Variants in DLGAP1 observed in about 807,000 individuals in gnomAD.
DLGAP1 encodes the protein DLG associated protein 1.
In DLGAP1, 11 loss-of-function variants were observed where a neutral mutation model predicts 90.8. The observed-to-expected ratio is 0.12, with a 90% CI of 0.08 to 0.20. The LOEUF (loss-of-function observed/expected upper bound fraction) is 0.20, where lower values mean the gene tolerates loss of function less well. Ranked by LOEUF, DLGAP1 falls within the 10% of genes least tolerant of loss-of-function variation. DLGAP1 has a pLI of 1.00. For missense variants in DLGAP1, 1,050 were observed against 1,333.8 expected (o/e 0.79, Z 3.31); for synonymous variants, 558 against 540.7 (o/e 1.03, Z -0.44).
chr18:3,629,666 T>C (rs1406046274), intron 7 of DLGAP1, among the ~76,000 whole-genome samples: 7 of 151,966 alleles, frequency 4.6e-5, no homozygotes, highest in Non-Finnish European at 7.4e-5. Flanking sequence ...AGTGAGACTC[T>C]GTCTCAAAAA....
At chr18:3,600,532 G>T (rs2056834271) in intron 7 of DLGAP1, among the ~76,000 whole-genome samples, 3 of 151,622 alleles carry the variant, frequency 2.0e-5, no homozygotes, top group Admixed American at 1.3e-4. Context: ...CACCGTGCCT[G>T]GCCAGAAACA....
chr18:3,739,905 A>G (rs1039613847), intron 6 of DLGAP1, among the ~76,000 whole-genome samples: 4 of 152,318 alleles, frequency 2.6e-5, no homozygotes, highest in East Asian at 3.9e-4. Flanking sequence ...TGGCTACGTC[A>G]TGGAATTGCA....
chr18:3,695,882 G>A (rs557444009), intron 7 of DLGAP1, among the ~76,000 whole-genome samples: 10 of 100,142 alleles, frequency 1.0e-4, no homozygotes, highest in Admixed American at 3.9e-4. Context: ...ACTTCCTTGA[G>A]CAGTGGTTTG....
intron 7 of DLGAP1, among the ~76,000 whole-genome samples, chr18:3,716,665 C>T (rs918250325): frequency 5.9e-5 from 9 of 151,940 alleles, no homozygotes; most frequent in Admixed American, 6.6e-5. Flanking sequence ...CATTCTAGTG[C>T]ATTTCCTTCT....
chr18:3,608,914 G>C (rs1443596625), intron 7 of DLGAP1, among the ~76,000 whole-genome samples: 5 of 152,154 alleles, frequency 3.3e-5, no homozygotes, highest in Admixed American at 3.3e-4. Flanking sequence ...TCAGCTCACT[G>C]CAACCTCCAC....
chr18:4,114,909 C>G (rs184267566), intron 2 of DLGAP1, among the ~76,000 whole-genome samples: 35 of 152,096 alleles, frequency 2.3e-4, no homozygotes, highest in Admixed American at 2.2e-3. Context: ...GTCTGATAGT[C>G]TCTGCCTTTT....
chr18:3,881,695 CGA>C (rs1342897561), intron 3 of DLGAP1, among the ~76,000 whole-genome samples: 4 of 152,142 alleles, frequency 2.6e-5, no homozygotes, highest in Non-Finnish European at 5.9e-5. Flanking sequence ...AGGTGGATCA[CGA>C]GGTCAGGAGA....
chr18:3,792,356 C>T (rs979180385), intron 5 of DLGAP1, among the ~76,000 whole-genome samples: 3 of 152,110 alleles, frequency 2.0e-5, no homozygotes, highest in Admixed American at 6.6e-5. Flanking sequence ...TGGTGCATGG[C>T]CTGTAATCCC....
At chr18:4,382,179 G>T (rs2082138276) in intron 1 of DLGAP1, among the ~76,000 whole-genome samples, 1 of 152,050 alleles carries the variant, frequency 6.6e-6, no homozygotes, top group African/African-American at 2.4e-5. Flanking sequence ...TTGTTCTTAT[G>T]TCACCCAGTA....
intron 1 of DLGAP1, among the ~76,000 whole-genome samples, chr18:4,414,780 C>T (rs2082855684): frequency 6.6e-6 from 1 of 151,702 alleles, no homozygotes; most frequent in African/African-American, 2.4e-5. Flanking sequence ...TACATTCTCT[C>T]TCAGCAAAGT....
chr18:3,612,002 C>T (rs2057657530), intron 7 of DLGAP1, among the ~76,000 whole-genome samples: 1 of 152,244 alleles, frequency 6.6e-6, no homozygotes, highest in Admixed American at 6.5e-5. Flanking sequence ...TATCCACTTA[C>T]ATTACTAAAG....
chr18:3,591,353 C>T (rs1047425844), intron 7 of DLGAP1, among the ~76,000 whole-genome samples: 1 of 152,016 alleles, frequency 6.6e-6, no homozygotes, highest in African/African-American at 2.4e-5. Flanking sequence ...GTTGTAATGT[C>T]AGGTAAGGTG....
rs140706242 is a variant in DLGAP1 at position 3,720,206 on chromosome 18, A to G, written c.1591+8929T>C. Among the ~76,000 whole-genome samples the G allele has an allele frequency of 4.4e-3, 673 of 152,350 alleles. 4 individuals carry two copies. The highest frequency in any genetic ancestry group is 0.015 in the African/African-American group (641 of 41,588). On this transcript the variant is annotated intron_variant, in intron 7 of 12. Coordinates refer to ENST00000315677, the MANE Select transcript of DLGAP1 (RefSeq NM_004746.4). ...TAACTTAGACTAGTTATCTTCTTCC[A>G]TAAGTTTAATTAGAAGTTATAGAAT...
chr18:3,752,127 G>C (rs541858129), intron 5 of DLGAP1, among the ~76,000 whole-genome samples: 1 of 151,934 alleles, frequency 6.6e-6, no homozygotes, highest in Non-Finnish European at 1.5e-5. Context: ...CAAGTAATCT[G>C]CCTGCCTTGG....
At chr18:3,550,075 G>A (rs941151737) in intron 9 of DLGAP1, among the ~76,000 whole-genome samples, 5 of 150,916 alleles carry the variant, frequency 3.3e-5, no homozygotes, top group African/African-American at 7.3e-5. Flanking sequence ...CACCATGCCC[G>A]GCTAATTTTT....
intron 3 of DLGAP1, among the ~76,000 whole-genome samples, chr18:3,907,171 T>C (rs942042811): frequency 2.4e-5 from 3 of 122,600 alleles, no homozygotes; most frequent in Admixed American, 1.8e-4. Flanking sequence ...CTGGGACCAA[T>C]ACCCCCCCAA....
chr18:3,699,155 A>G (rs550599120), intron 7 of DLGAP1, among the ~76,000 whole-genome samples: 65 of 152,114 alleles, frequency 4.3e-4, no homozygotes, highest in Non-Finnish European at 5.1e-4. Flanking sequence ...CAATTCGTCA[A>G]ACTCATTCTC....
At chr18:3,726,014 C>T (rs948741328) in intron 7 of DLGAP1, among the ~76,000 whole-genome samples, 3 of 152,092 alleles carry the variant, frequency 2.0e-5, no homozygotes, top group African/African-American at 2.4e-5. Context: ...TGGGCTGACC[C>T]GAATGTCAAA....
chr18:4,141,060 G>A (rs369849546), intron 2 of DLGAP1, among the ~76,000 whole-genome samples: 8 of 151,748 alleles, frequency 5.3e-5, no homozygotes, highest in African/African-American at 1.7e-4. Flanking sequence ...TCTTGTACTC[G>A]AATATTTATA....
Sources: gnomAD v4.1 joint callset for allele counts (sites outside exome capture counted in the v4.1 genomes callset) on GRCh38, gnomAD v4.1.1 for gene constraint, MANE v1.5 for transcripts, NCBI Gene and HGNC (gene_info 2026-07-23, HGNC 2026-07-21) for gene names.